Variants in LCLAT1 observed in about 807,000 individuals in gnomAD.
LCLAT1 encodes lysocardiolipin acyltransferase 1, also known as 1-AGP acyltransferase 8.
Under a neutral mutation model 30.7 loss-of-function variants are expected in LCLAT1, and 11 were observed. The ratio of observed to expected loss-of-function variants is 0.36; its 90% CI spans 0.23 to 0.59. LCLAT1 has a LOEUF of 0.59. Among genes scored for constraint, LCLAT1 ranks in the 20% least tolerant of loss-of-function variants. The pLI is 0.77. For synonymous variants in LCLAT1, 155 were observed against 151.3 expected, an observed-to-expected ratio of 1.02 and a Z score of -0.18; for missense variants, 402 against 458.6, an observed-to-expected ratio of 0.88 and a Z score of 1.13.
At position 30,556,848 on chromosome 2, in the gene LCLAT1, C is replaced by T. The variant is rs567285828; in HGVS notation, c.365-5298C>T. Among the ~76,000 whole-genome samples, 12 of 150,674 alleles carry T rather than the reference C, an allele frequency of 8.0e-5. 1 individual carries two copies. In the South Asian group the frequency reaches 1.0e-3, roughly 13 times the overall value. ...GCAACCTCCGCCTCCCGGGTTCAAG[C>T]GATCTCCTGCCTCAGCCTCCCAAAT... On this transcript the variant is annotated intron_variant, in intron 3 of 5. Coordinates refer to ENST00000379509, the MANE Select transcript of LCLAT1 (RefSeq NM_001002257.3).
At chr2:30,632,222 G>A (rs1004313987) in intron 5 of LCLAT1, among the ~76,000 whole-genome samples, 2 of 152,164 alleles carry the variant, frequency 1.3e-5, no homozygotes, top group Admixed American at 6.5e-5. Context: ...TAACTTTGAA[G>A]CTCAAAATGG....
intron 5 of LCLAT1, among the ~76,000 whole-genome samples, chr2:30,574,524 A>G (rs1357546270): frequency 1.3e-5 from 2 of 152,206 alleles, no homozygotes; most frequent in Non-Finnish European, 2.9e-5. Flanking sequence ...ACATAGCCTC[A>G]TCATGGTTGT....
chr2:30,547,857 A>G (rs149564722), intron 3 of LCLAT1, among the ~76,000 whole-genome samples: 190 of 152,236 alleles, frequency 1.2e-3, no homozygotes, highest in African/African-American at 4.0e-3. Flanking sequence ...TCCTGATGTA[A>G]CTTGCTTTCC....
At chr2:30,472,401 A>C (rs540373868) in intron 1 of LCLAT1, among the ~76,000 whole-genome samples, 1 of 152,038 alleles carries the variant, frequency 6.6e-6, no homozygotes, top group East Asian at 1.9e-4. Context: ...TTAATGTTTT[A>C]TTTTGTGTTA....
intron 1 of LCLAT1, among the ~76,000 whole-genome samples, chr2:30,512,124 C>T (rs963301821): frequency 6.6e-6 from 1 of 152,024 alleles, no homozygotes; most frequent in Admixed American, 6.6e-5. Context: ...TTTGAGAGAG[C>T]ACAATTAGAT....
intron 5 of LCLAT1, among the ~76,000 whole-genome samples, chr2:30,621,286 C>G (rs1668234754): frequency 6.6e-6 from 1 of 152,074 alleles, no homozygotes; most frequent in Non-Finnish European, 1.5e-5. Context: ...CGTTTGTGTT[C>G]CCCCAAAATT....
At chr2:30,576,990 A>C (rs554993154) in intron 5 of LCLAT1, among the ~76,000 whole-genome samples, 4 of 151,824 alleles carry the variant, frequency 2.6e-5, no homozygotes, top group Non-Finnish European at 5.9e-5. Context: ...AACTAAATAC[A>C]GAAATTGTTT....
chr2:30,463,196 CAG>C (rs1229522643), intron 1 of LCLAT1, among the ~76,000 whole-genome samples: 2 of 151,946 alleles, frequency 1.3e-5, no homozygotes, highest in African/African-American at 4.8e-5. Context: ...TTACATTACT[CAG>C]AGATAGTTGA....
chr2:30,598,858 T>G (rs1050810450), intron 5 of LCLAT1, among the ~76,000 whole-genome samples: 3 of 152,204 alleles, frequency 2.0e-5, no homozygotes, highest in Non-Finnish European at 2.9e-5. Context: ...TCTTTGTTCT[T>G]ATTGATTTCA....
chr2:30,551,355 CT>C (rs1479225357), intron 3 of LCLAT1, among the ~76,000 whole-genome samples: 2 of 152,150 alleles, frequency 1.3e-5, no homozygotes, highest in Admixed American at 1.3e-4. Context: ...ATACTACCAT[CT>C]TTTTTCTTTT....
At chr2:30,523,640 C>A (rs906176217) in intron 1 of LCLAT1, among the ~76,000 whole-genome samples, 1 of 152,142 alleles carries the variant, frequency 6.6e-6, no homozygotes, top group African/African-American at 2.4e-5. Context: ...GAGGCTGAGG[C>A]GAGCAGATCA....
chr2:30,629,613 A>G (rs759456722), intron 5 of LCLAT1, among the ~76,000 whole-genome samples: 106 of 152,292 alleles, frequency 7.0e-4, no homozygotes, highest in Admixed American at 1.8e-3. Flanking sequence ...TTACAATACC[A>G]AGCATTAGTA....
chr2:30,612,388 A>G (rs1015786207), intron 5 of LCLAT1, among the ~76,000 whole-genome samples: 1 of 152,166 alleles, frequency 6.6e-6, no homozygotes, highest in African/African-American at 2.4e-5. Context: ...AAAGGCACCT[A>G]TCATCATTGA....
Position 30,508,428 on chromosome 2 carries a change from A to G in LCLAT1, c.-4-17159A>G, listed in dbSNP as rs537206100. Reference sequence around the variant, plus strand: ...AGTTTTATATTTAAGTCTCTAATCCATCTTGAGATGATTTTTTGTATATCG... The same window carrying G: ...AGTTTTATATTTAAGTCTCTAATCCGTCTTGAGATGATTTTTTGTATATCG... On this transcript the variant is annotated intron_variant, in intron 1 of 5. Coordinates refer to ENST00000379509, the MANE Select transcript of LCLAT1 (RefSeq NM_001002257.3). 3.3e-4 allele frequency among the ~76,000 whole-genome samples: 51 copies of G among 152,268 alleles called. 1 individual carries two copies. The South Asian group carries it at 0.01, about 31-fold the overall frequency.
At chr2:30,449,492 G>A (rs1389744791) in intron 1 of LCLAT1, among the ~76,000 whole-genome samples, 1 of 151,282 alleles carries the variant, frequency 6.6e-6, no homozygotes, top group African/African-American at 2.4e-5. Context: ...ACAGAGTTAT[G>A]ACTAATTTCT....
intron 1 of LCLAT1, among the ~76,000 whole-genome samples, chr2:30,514,932 A>G (rs1197234583): frequency 6.6e-6 from 1 of 152,190 alleles, no homozygotes; most frequent in Non-Finnish European, 1.5e-5. Context: ...TATGCCTTAG[A>G]TATTTTTCCT....
intron 5 of LCLAT1, among the ~76,000 whole-genome samples, chr2:30,604,961 A>C (rs1157450417): frequency 1.3e-5 from 2 of 152,180 alleles, no homozygotes; most frequent in Non-Finnish European, 2.9e-5. Flanking sequence ...TGCCGCCCCC[A>C]CACACAGGTG....
intron 1 of LCLAT1, among the ~76,000 whole-genome samples, chr2:30,507,827 G>T (rs1286498068): frequency 6.6e-6 from 1 of 152,054 alleles, no homozygotes; most frequent in Non-Finnish European, 1.5e-5. Context: ...TATATATCCA[G>T]TAAGGGGTCT....
intron 1 of LCLAT1, chr2:30,476,414 A>G (rs982855736): frequency 3.3e-5 from 15 of 456,554 alleles, no homozygotes; most frequent in East Asian, 6.9e-5. Flanking sequence ...ACTCCACATC[A>G]CTTGAATTAT....
Sources: allele counts gnomAD v4.1 joint callset (sites outside exome capture counted in the v4.1 genomes callset), GRCh38; gene constraint gnomAD v4.1.1; transcripts MANE v1.5; gene names NCBI Gene and HGNC (gene_info 2026-07-23, HGNC 2026-07-21).